MYOM3: variants seen among roughly 807,000 people sequenced by gnomAD.
MYOM3 encodes myomesin 3, also known as myomesin-3.
In MYOM3, 155 loss-of-function variants were observed where a neutral mutation model predicts 191.7. The observed-to-expected ratio is 0.81, with a 90% CI of 0.71 to 0.92. The LOEUF (loss-of-function observed/expected upper bound fraction) is 0.92, where lower values mean the gene tolerates loss of function less well. Among genes scored for constraint, MYOM3 ranks in the 40% least tolerant of loss-of-function variants. The pLI is 0.00. For synonymous variants in MYOM3, 757 were observed against 762.9 expected, an observed-to-expected ratio of 0.99 and a Z score of 0.13; for missense variants, 1,889 against 1,890.6, an observed-to-expected ratio of 1.00 and a Z score of 0.02.
At position 24,082,627 on chromosome 1, in the gene MYOM3, G is replaced by A. The variant is rs1471856936; in HGVS notation, c.2058C>T (p.Ala686=). Residue 686 remains alanine (A), a synonymous_variant, in exon 17 of 37, where the codon GCC becomes GCT. Transcript: ENST00000374434. Reference sequence around the variant, plus strand: ...GCTTGACCCTGATGGGCTCGGTGGCGGCTGAGCTCTCGCCTACCCCAGCCT... The same window carrying A: ...GCTTGACCCTGATGGGCTCGGTGGCAGCTGAGCTCTCGCCTACCCCAGCCT... ...VSEAGVGESS[A]ATEPIRVKQA... 9.9e-6 allele frequency: 16 copies of A among 1,611,528 alleles called. No homozygotes were observed. Among genetic ancestry groups the A allele is most frequent in the African/African-American group, 6.7e-5 (5 of 74,730 alleles).
At chr1:24,086,540 A>G (rs1410341866) in intron 15 of MYOM3, 104 bp downstream of exon 15, 19 of 1,176,530 alleles carry the variant, frequency 1.6e-5, no homozygotes, top group Non-Finnish European at 2.0e-5. Flanking sequence ...GATGGGTAGA[A>G]GGGAGCGGGG....
chr1:24,098,131 C>A, intron 6 of MYOM3, 120 bp from the exon 7 acceptor site: 1 of 709,906 alleles, frequency 1.4e-6, no homozygotes, highest in Non-Finnish European at 2.6e-6. Flanking sequence ...CAGGAAGAGA[C>A]TTTGGTCATT....
At chr1:24,076,445 T>G (rs1193099211) in intron 20 of MYOM3, among the ~76,000 whole-genome samples, 172 bp from the exon 21 acceptor site, 1 of 152,108 alleles carries the variant, frequency 6.6e-6, no homozygotes, top group Non-Finnish European at 1.5e-5. Flanking sequence ...GTCTTTGCCA[T>G]TCTTTTCTTG....
At chr1:24,082,437 C>T (rs1643683671) in intron 17 of MYOM3, 156 bp downstream of exon 17, 2 of 1,147,656 alleles carry the variant, frequency 1.7e-6, no homozygotes, top group East Asian at 2.8e-5. Flanking sequence ...TACTTCCTTC[C>T]CAAAGGAAAG....
chr1:24,097,535 G>C (rs1040868062), intron 7 of MYOM3, among the ~76,000 whole-genome samples: 4 of 152,300 alleles, frequency 2.6e-5, no homozygotes, highest in African/African-American at 9.6e-5. Flanking sequence ...TGACTCTACA[G>C]AGAGAGCTGA....
intron 20 of MYOM3, among the ~76,000 whole-genome samples, chr1:24,078,774 C>T (rs1465672205): frequency 6.6e-6 from 1 of 152,124 alleles, no homozygotes; most frequent in Non-Finnish European, 1.5e-5. Flanking sequence ...AAGTGGCCTT[C>T]AGTCACCTGG....
chr1:24,074,631 T>C (rs1400161794), intron 22 of MYOM3, among the ~76,000 whole-genome samples: 1 of 152,134 alleles, frequency 6.6e-6, no homozygotes, highest in Non-Finnish European at 1.5e-5. Flanking sequence ...GGTCATCTGG[T>C]CCAACTCTGC....
intron 19 of MYOM3, 27 bp downstream of exon 19, chr1:24,081,303 T>A: frequency 6.2e-7 from 1 of 1,612,042 alleles, no homozygotes; most frequent in Non-Finnish European, 8.5e-7. Flanking sequence ...GGGCAGGCAC[T>A]GGACTTCAGG....
Position 24,057,568 on chromosome 1 carries a change from C to T in MYOM3, c.4110G>A (p.Lys1370=). 1 of 1,614,108 alleles carries T rather than the reference C, an allele frequency of 6.2e-7. No homozygotes were observed. The highest frequency in any genetic ancestry group is 8.5e-7 in the Non-Finnish European group (1 of 1,179,984). ...GDPTPEISWL[K]NDQPVTFLDR... ...CAAGGAAGGTGACAGGCTGGTCATT[C>T]TTCAGCCAAGAGATTTCAGGGGTGG... The change falls in exon 37 of 37, where the codon AAG becomes AAA. Residue 1370 remains lysine (K), a synonymous_variant. Transcript: ENST00000374434.
chr1:24,063,303 T>G lies in MYOM3; in HGVS notation c.3662-69A>C. On this transcript the variant is annotated intron_variant, in intron 31 of 36. Transcript: ENST00000374434. This position sits in a 1 kb window ranked among gnomAD's most constrained non-coding sequence, Gnocchi z 4.5. Reference sequence around the variant, plus strand: ...TAGGCATCAGATTTTGGGGCCGGCTTGTCTGCCTCTGCCCTGGGGGGCAGG... The same window carrying G: ...TAGGCATCAGATTTTGGGGCCGGCTGGTCTGCCTCTGCCCTGGGGGGCAGG... The G allele has an allele frequency of 7.0e-7, 1 of 1,435,614 alleles. No homozygotes were observed. The highest frequency in any genetic ancestry group is 9.8e-7 in the Non-Finnish European group (1 of 1,020,034). 88.9% of individuals were successfully genotyped at this position (1,435,614 alleles called of 1,614,324 possible). A position where few individuals can be genotyped will look rare whatever the true frequency, so the allele number is the denominator to read the frequency against.
In MYOM3 at chr1:24,087,174, C is replaced by A. The variant is rs957060335; in HGVS notation, c.1615-347G>T. The stretch of plus-strand genomic sequence containing the variant: ...CCCTAAATGTGCTCCATGAATGAAC[C>A]CAGTTGGCTCACCCTTCAAAATTTA... On this transcript the variant is annotated intron_variant, in intron 14 of 36. Coordinates refer to ENST00000374434, the MANE Select transcript of MYOM3 (RefSeq NM_152372.4). The surrounding 1 kb of genome is among the most constrained non-coding windows in gnomAD (Gnocchi z 4.5). Among the ~76,000 whole-genome samples the A allele has an allele frequency of 1.3e-5, 2 of 152,180 alleles. No individual in the cohort carries two copies. The highest frequency in any genetic ancestry group is 4.8e-5 in the African/African-American group (2 of 41,430).
At chr1:24,099,574 G>A (rs1643897037) in intron 6 of MYOM3, 106 bp downstream of exon 6, 1 of 846,154 alleles carries the variant, frequency 1.2e-6, no homozygotes, top group African/African-American at 1.7e-5. Context: ...GACTTCTGAA[G>A]GAGGTGAACT....
intron 15 of MYOM3, 106 bp from the exon 16 acceptor site, chr1:24,084,745 A>G (rs1289175698): frequency 6.8e-6 from 7 of 1,036,858 alleles, no homozygotes; most frequent in Non-Finnish European, 9.9e-6. Context: ...CTCCCACAGC[A>G]ATCAAGGTGC....
intron 5 of MYOM3, among the ~76,000 whole-genome samples, chr1:24,102,082 G>A (rs113368665): frequency 1.2e-4 from 19 of 152,212 alleles, no homozygotes; most frequent in African/African-American, 4.3e-4. Flanking sequence ...TGTGTGGGTG[G>A]CTGAGGTTGA....
chr1:24,065,302 A>G (rs1643420294), intron 29 of MYOM3, among the ~76,000 whole-genome samples: 1 of 152,224 alleles, frequency 6.6e-6, no homozygotes, highest in Non-Finnish European at 1.5e-5. Context: ...GGCCACAGAC[A>G]TCAGCAGCAG....
intron 25 of MYOM3, among the ~76,000 whole-genome samples, 165 bp from the exon 26 acceptor site, chr1:24,068,532 C>G (rs1643483131): frequency 6.6e-6 from 1 of 151,826 alleles, no homozygotes; most frequent in Non-Finnish European, 1.5e-5. Context: ...CACACCTAGT[C>G]CCCCGGGGTG....
At chr1:24,065,476 C>A (rs4575029) in intron 29 of MYOM3, among the ~76,000 whole-genome samples, 33,608 of 152,036 alleles carry the variant, frequency 0.22, 4,712 homozygotes, top group African/African-American at 0.39. Flanking sequence ...CCTGTCCCGA[C>A]TCCTAGACTG....
At position 24,089,763 on chromosome 1, in the gene MYOM3, C is replaced by A. The variant is rs562156149; in HGVS notation, c.1487-98G>T. 156 of 1,387,356 alleles carry A rather than the reference C, an allele frequency of 1.1e-4. 2 individuals are homozygous for A. In the South Asian group the frequency reaches 2.1e-3, roughly 19 times the overall value. 85.9% of individuals were successfully genotyped at this position (1,387,356 alleles called of 1,614,324 possible). A position where few individuals can be genotyped will look rare whatever the true frequency, so the allele number is the denominator to read the frequency against. On this transcript the variant is annotated intron_variant, in intron 13 of 36. Coordinates refer to ENST00000374434, the MANE Select transcript of MYOM3 (RefSeq NM_152372.4). ...TGGAAGAGGGAACTACACCCCTACC[C>A]ATCCCCCAGAGAGGGGCAGTAGTTG...
At chr1:24,079,653 C>T (rs2148550109) in intron 20 of MYOM3, among the ~76,000 whole-genome samples, 1 of 152,312 alleles carries the variant, frequency 6.6e-6, no homozygotes, top group East Asian at 1.9e-4. Context: ...CCGTTACAAA[C>T]AAGGCTACAA....
Sources: allele counts gnomAD v4.1 joint callset (sites outside exome capture counted in the v4.1 genomes callset), GRCh38; gene constraint gnomAD v4.1.1; non-coding constraint Gnocchi (gnomAD v3.1); transcripts MANE v1.5; gene names NCBI Gene and HGNC (gene_info 2026-07-23, HGNC 2026-07-21).